NUP155: variants seen among roughly 807,000 people sequenced by gnomAD.
The protein encoded by NUP155 is nuclear pore complex protein Nup155.
In NUP155, 71 loss-of-function variants were observed where a neutral mutation model predicts 180.4. The ratio of observed to expected loss-of-function variants is 0.39; its 90% CI spans 0.33 to 0.48. The LOEUF is 0.48. Ranked by LOEUF, NUP155 falls within the 20% of genes least tolerant of loss-of-function variation. The pLI is 0.91. For synonymous variants in NUP155, 582 were observed against 559.5 expected (o/e 1.04, Z -0.57); for missense variants, 1,553 against 1,648.9 (o/e 0.94, Z 1.01).
chr5:37,367,207 G>A (rs1263853135), intron 1 of NUP155, among the ~76,000 whole-genome samples: 4 of 151,990 alleles, frequency 2.6e-5, no homozygotes, highest in African/African-American at 9.6e-5. Context: ...ACCATGCCTA[G>A]CTAATTTTTT....
chr5:37,363,132 G>A (rs1287935413), intron 3 of NUP155, among the ~76,000 whole-genome samples: 1 of 152,038 alleles, frequency 6.6e-6, no homozygotes, highest in Non-Finnish European at 1.5e-5. Flanking sequence ...GGCTGGTCTC[G>A]GACTCCTGAC....
chr5:37,317,960 G>A (rs372384632), intron 21 of NUP155, 28 bp downstream of exon 21: 33 of 1,246,720 alleles, frequency 2.6e-5, no homozygotes, highest in African/African-American at 1.2e-4. Flanking sequence ...GGTCATGTAC[G>A]CTTAACTGAT....
In NUP155 at chr5:37,303,153, G is replaced by A. The variant is rs1316913164; in HGVS notation, c.3317+107C>T. 1.5e-5 allele frequency: 19 copies of A among 1,296,456 alleles called. No individual in the cohort carries two copies. The East Asian group carries it at 4.7e-4, about 32-fold the overall frequency. The allele number at this position is 1,296,456 out of a possible 1,614,324, so 80.3% of individuals were successfully genotyped here. On this transcript the variant is annotated intron_variant, in intron 28 of 34. Coordinates refer to ENST00000231498, the MANE Select transcript of NUP155 (RefSeq NM_153485.3). Reference sequence around the variant, plus strand: ...AGTAACATCCTATTTAAAAAATTTAGGTCAGTATATTAAAACTTAGATTCT... The same window carrying A: ...AGTAACATCCTATTTAAAAAATTTAAGTCAGTATATTAAAACTTAGATTCT...
At chr5:37,366,202 G>A (rs1368497751) in intron 1 of NUP155, among the ~76,000 whole-genome samples, 4 of 152,258 alleles carry the variant, frequency 2.6e-5, no homozygotes, top group African/African-American at 4.8e-5. Context: ...CGGACAAGGC[G>A]TTATTTAGAC....
chr5:37,371,018 A>G lies in NUP155; in HGVS notation c.-41T>C, dbSNP rs1277280852. 3.7e-6 allele frequency: 6 copies of G among 1,601,432 alleles called. No individual in the cohort carries two copies. In the East Asian group the frequency reaches 1.1e-4, roughly 30 times the overall value. On this transcript the variant is annotated 5_prime_UTR_variant, in exon 1 of 35. Coordinates refer to ENST00000231498, the MANE Select transcript of NUP155 (RefSeq NM_153485.3). ...CACCAGGGTCCAGAAAAAGTCAAAA[A>G]CCAAGGAGAAACAAGAAAAGATCCA... is the stretch of plus-strand genomic sequence containing the variant.
chr5:37,358,165 A>G lies in NUP155; in HGVS notation c.393-14T>C. 6.3e-7 allele frequency: 1 copy of G among 1,592,552 alleles called. No homozygotes were observed. The highest frequency in any genetic ancestry group is 8.6e-7 in the Non-Finnish European group (1 of 1,160,562). Reference sequence around the variant, plus strand: ...GCAAGGTCTCCTCTGTGAATAAATGAAGAAAAACATGTTACACATATAAAG... The same window carrying G: ...GCAAGGTCTCCTCTGTGAATAAATGGAGAAAAACATGTTACACATATAAAG... On this transcript the variant is annotated splice_polypyrimidine_tract_variant and intron_variant, in intron 3 of 34. Transcript: ENST00000231498.
At chr5:37,307,166 C>A (rs889385910) in intron 25 of NUP155, 131 bp downstream of exon 25, 1 of 873,058 alleles carries the variant, frequency 1.1e-6, no homozygotes, top group East Asian at 2.7e-5. Flanking sequence ...CGACTGCACT[C>A]CAGCCCAGGT....
intron 13 of NUP155, among the ~76,000 whole-genome samples, chr5:37,332,195 A>C (rs1364206719): frequency 5.3e-5 from 8 of 151,266 alleles, no homozygotes; most frequent in African/African-American, 1.9e-4. Context: ...AAAGCTAGAA[A>C]CATAGTCATA....
At chr5:37,325,494 G>T (rs1046541462) in intron 19 of NUP155, among the ~76,000 whole-genome samples, 3 of 152,112 alleles carry the variant, frequency 2.0e-5, no homozygotes, top group African/African-American at 7.2e-5. Flanking sequence ...CCCGCCAGGC[G>T]CTGAGGCCCC....
At chr5:37,320,468 A>C (rs1744175669) in intron 20 of NUP155, among the ~76,000 whole-genome samples, 1 of 152,224 alleles carries the variant, frequency 6.6e-6, no homozygotes, top group South Asian at 2.1e-4. Flanking sequence ...ATAAGAGTGA[A>C]ACTCTGTCTC....
At chr5:37,307,541 A>G in intron 24 of NUP155, 109 bp from the exon 25 acceptor site, 1 of 1,013,622 alleles carries the variant, frequency 9.9e-7, no homozygotes, top group Admixed American at 1.9e-5. Flanking sequence ...CTACTGTACA[A>G]TAGTCACCCT....
chr5:37,343,243 T>C (rs542324837), intron 9 of NUP155, among the ~76,000 whole-genome samples: 8 of 151,864 alleles, frequency 5.3e-5, no homozygotes, highest in Non-Finnish European at 1.0e-4. Context: ...CCTGGCTAAT[T>C]TTTTGTATTT....
In NUP155 at chr5:37,291,870, C is replaced by T; in HGVS notation, c.*30G>A. 1 of 1,607,706 alleles carries T rather than the reference C, an allele frequency of 6.2e-7. No homozygotes were observed. Among genetic ancestry groups the T allele is most frequent in the Non-Finnish European group, 8.5e-7 (1 of 1,174,438 alleles). ...CCAGCTGAGTTTTTATTTTACAGAT[C>T]ATAAAACGGATGAAAGTATATCACA... On this transcript the variant is annotated 3_prime_UTR_variant, in exon 35 of 35. Coordinates refer to ENST00000231498, the MANE Select transcript of NUP155 (RefSeq NM_153485.3).
intron 6 of NUP155, among the ~76,000 whole-genome samples, chr5:37,350,986 A>G (rs1172540179): frequency 6.6e-6 from 1 of 152,194 alleles, no homozygotes; most frequent in East Asian, 1.9e-4. Context: ...CCACGAGGAC[A>G]TACATAGAAT....
chr5:37,336,899 A>G (rs1171960633), intron 12 of NUP155, among the ~76,000 whole-genome samples: 2 of 152,218 alleles, frequency 1.3e-5, no homozygotes, highest in East Asian at 1.9e-4. Context: ...AAGAACCACC[A>G]AAGAACCACT....
At chr5:37,318,482 T>TA (rs576072235) in intron 20 of NUP155, among the ~76,000 whole-genome samples, 8,320 of 145,238 alleles carry the variant, frequency 0.057, 713 homozygotes, top group African/African-American at 0.19. Flanking sequence ...GTATCCCTAA[T>TA]AAAAAAAAAA....
intron 32 of NUP155, among the ~76,000 whole-genome samples, chr5:37,297,711 A>C (rs1206722784): frequency 1.3e-5 from 2 of 152,032 alleles, no homozygotes; most frequent in Non-Finnish European, 2.9e-5. Context: ...CAACTATCAA[A>C]AGTACCAGTT....
At chr5:37,304,464 T>TTAAGA (rs1220321351) in intron 27 of NUP155, among the ~76,000 whole-genome samples, 1 of 151,770 alleles carries the variant, frequency 6.6e-6, no homozygotes, top group African/African-American at 2.4e-5. Context: ...AACAGCAGAG[T>TTAAGA]TAAGATAAGA....
chr5:37,340,517 A>T (rs1745645418), intron 11 of NUP155, among the ~76,000 whole-genome samples: 1 of 152,222 alleles, frequency 6.6e-6, no homozygotes, highest in Admixed American at 6.5e-5. Flanking sequence ...AACGGTAATC[A>T]AGACTGTGCT....
Sources: gnomAD v4.1 joint callset for allele counts (sites outside exome capture counted in the v4.1 genomes callset) on GRCh38, gnomAD v4.1.1 for gene constraint, MANE v1.5 for transcripts, NCBI Gene and HGNC (gene_info 2026-07-23, HGNC 2026-07-21) for gene names.